The following ORC3 variants were observed in gnomAD, a reference collection of about 807,000 sequenced individuals.
ORC3 encodes the protein homolog of latheo, Drosophila.
A neutral mutation model predicts 100.7 loss-of-function variants in ORC3; 78 were observed. That is an observed-to-expected ratio of 0.77 (90% CI 0.65 to 0.94). The LOEUF is 0.94. Ranked by LOEUF, ORC3 falls within the 40% of genes least tolerant of loss-of-function variation. The pLI is 0.00. For synonymous variants in ORC3, 295 were observed against 289.3 expected (o/e 1.02, Z -0.20); for missense variants, 789 against 823.9 (o/e 0.96, Z 0.52).
At chr6:87,604,706 T>A (rs142989683) in intron 4 of ORC3, among the ~76,000 whole-genome samples, 300 of 152,310 alleles carry the variant, frequency 2.0e-3, no homozygotes, top group African/African-American at 7.0e-3. Flanking sequence ...TAACCCAGTG[T>A]TTTACTGAAC....
chr6:87,648,601 G>A (rs531597002), intron 13 of ORC3, among the ~76,000 whole-genome samples: 37 of 152,208 alleles, frequency 2.4e-4, no homozygotes, highest in African/African-American at 8.9e-4. Flanking sequence ...ATTGGATTCT[G>A]GACAAGTTTA....
At position 87,665,843 on chromosome 6, in the gene ORC3, TA is replaced by T; in HGVS notation, c.2030+14del. The T allele has an allele frequency of 6.5e-7, 1 of 1,536,468 alleles. No individual in the cohort carries two copies. On this transcript the variant is annotated intron_variant, in intron 19 of 19. Coordinates refer to ENST00000392844, the MANE Select transcript of ORC3 (RefSeq NM_012381.4). ...TGAATGAAATTATCCAGTATCCTTT[TA>T]AAACCATTTCTACAATGTCCAACTA...
chr6:87,654,821 G>A (rs1218193510), intron 14 of ORC3, among the ~76,000 whole-genome samples: 1 of 152,056 alleles, frequency 6.6e-6, no homozygotes, highest in Non-Finnish European at 1.5e-5. Context: ...CCATTAACGA[G>A]GTAATCTAGA....
chr6:87,618,890 C>G (rs570526078), intron 9 of ORC3, among the ~76,000 whole-genome samples: 35 of 152,024 alleles, frequency 2.3e-4, no homozygotes, highest in African/African-American at 8.2e-4. Context: ...CATGTTAATA[C>G]ATAGCAAAGA....
At chr6:87,650,061 C>CTTTT (rs565491984) in intron 13 of ORC3, among the ~76,000 whole-genome samples, 2 of 122,652 alleles carry the variant, frequency 1.6e-5, no homozygotes, top group Non-Finnish European at 3.4e-5. Flanking sequence ...TTTACACTCT[C>CTTTT]TTTTTTTTTT....
chr6:87,593,753 A>T (rs1364234263), intron 1 of ORC3, among the ~76,000 whole-genome samples: 1 of 152,184 alleles, frequency 6.6e-6, no homozygotes, highest in Non-Finnish European at 1.5e-5. Context: ...CTGGAGTGCA[A>T]TGGCACGATC....
At chr6:87,659,014 A>G in intron 16 of ORC3, among the ~76,000 whole-genome samples, 1 of 96,430 alleles carries the variant, frequency 1.0e-5, no homozygotes. Flanking sequence ...AATACCTAAA[A>G]AGTGGGGCGG....
At chr6:87,607,126 T>C (rs1778398912) in intron 5 of ORC3, among the ~76,000 whole-genome samples, 1 of 152,204 alleles carries the variant, frequency 6.6e-6, no homozygotes, top group African/African-American at 2.4e-5. Context: ...GTGACCTTTT[T>C]ATTATAGATA....
intron 1 of ORC3, among the ~76,000 whole-genome samples, chr6:87,592,694 C>A (rs1777121825): frequency 6.6e-6 from 1 of 152,176 alleles, no homozygotes; most frequent in Admixed American, 6.5e-5. Context: ...CAAATGGCTA[C>A]TTTATAGTTG....
At chr6:87,644,625 C>T (rs987037603) in intron 13 of ORC3, among the ~76,000 whole-genome samples, 4 of 151,810 alleles carry the variant, frequency 2.6e-5, no homozygotes, top group Admixed American at 1.3e-4. Flanking sequence ...TGCTTGAACT[C>T]GGGAGGTGGA....
At chr6:87,592,699 T>C (rs1294017641) in intron 1 of ORC3, among the ~76,000 whole-genome samples, 6 of 152,226 alleles carry the variant, frequency 3.9e-5, no homozygotes, top group Admixed American at 2.0e-4. Flanking sequence ...GGCTACTTTA[T>C]AGTTGCACAG....
intron 7 of ORC3, among the ~76,000 whole-genome samples, chr6:87,610,128 A>G (rs956850728): frequency 5.3e-5 from 8 of 152,158 alleles, no homozygotes; most frequent in Admixed American, 3.9e-4. Context: ...GGCCTCTTCT[A>G]TATGTCAACT....
Position 87,594,354 on chromosome 6 carries a change from G to C in ORC3, c.26G>C (p.Gly9Ala). Residue 9 changes from glycine (G) to alanine (A), a missense_variant and splice_region_variant, in exon 2 of 20, where the codon GGT becomes GCT. Gly to Ala is a moderately conservative substitution (Grantham distance 60). This residue lies in a region of ORC3 where 399 missense variants were observed against 382.0 expected (regional missense o/e 1.04). Coordinates refer to ENST00000392844, the MANE Select transcript of ORC3 (RefSeq NM_012381.4). MATSSMSK[G>A]CFVFKPNSKK... The stretch of plus-strand genomic sequence containing the variant: ...TGCTTTTCGTCTTTCTTTTTATAGG[G>C]TTGCTTTGTTTTTAAGCCAAACTCC... The C allele has an allele frequency of 6.3e-7, 1 of 1,579,090 alleles. No homozygotes were observed. The highest frequency in any genetic ancestry group is 1.2e-5 in the South Asian group (1 of 86,656).
chr6:87,600,309 T>C (rs1230768209), intron 2 of ORC3, among the ~76,000 whole-genome samples: 1 of 152,118 alleles, frequency 6.6e-6, no homozygotes, highest in Non-Finnish European at 1.5e-5. Context: ...TAGAAAACTA[T>C]AAGGAATCTA....
chr6:87,673,656 C>T, the ORC3 span, among the ~76,000 whole-genome samples: 3 of 151,836 alleles, frequency 2.0e-5, no homozygotes, highest in Non-Finnish European at 2.9e-5. Context: ...TCCTGGCCAA[C>T]ATGGTGAAAC....
At chr6:87,641,737 T>C (rs542349950) in intron 13 of ORC3, among the ~76,000 whole-genome samples, 1 of 152,316 alleles carries the variant, frequency 6.6e-6, no homozygotes, top group South Asian at 2.1e-4. Flanking sequence ...TCAGCTTTCA[T>C]TGAGTAAAAA....
At chr6:87,598,276 G>A (rs1320340535) in intron 2 of ORC3, among the ~76,000 whole-genome samples, 3 of 152,102 alleles carry the variant, frequency 2.0e-5, no homozygotes, top group African/African-American at 7.2e-5. Flanking sequence ...ACCTGCCTTG[G>A]CCTCCCAAAG....
intron 11 of ORC3, among the ~76,000 whole-genome samples, chr6:87,624,148 GCTACC>G (rs1274941777): frequency 6.6e-6 from 1 of 151,938 alleles, no homozygotes; most frequent in East Asian, 1.9e-4. Context: ...TTAGCTGCAG[GCTACC>G]TGCTGAAATC....
At chr6:87,645,976 T>TTTTTTTTC (rs1768737320) in intron 13 of ORC3, among the ~76,000 whole-genome samples, 1 of 141,438 alleles carries the variant, frequency 7.1e-6, no homozygotes, top group African/African-American at 2.8e-5. Flanking sequence ...AATTTTTTCT[T>TTTTTTTTC]TTTTTTTCTT....
Sources: allele counts gnomAD v4.1 joint callset (sites outside exome capture counted in the v4.1 genomes callset), GRCh38; gene constraint gnomAD v4.1.1; regional missense constraint gnomAD v4.1.1; transcripts MANE v1.5; gene names NCBI Gene and HGNC (gene_info 2026-07-23, HGNC 2026-07-21).